The following DLGAP2 variants were observed in gnomAD, a reference collection of about 807,000 sequenced individuals.
DLGAP2 encodes DLG associated protein 2, also known as disks large-associated protein 2.
A neutral mutation model predicts 100.3 loss-of-function variants in DLGAP2; 26 were observed. That is an observed-to-expected ratio of 0.26 (90% CI 0.19 to 0.36). DLGAP2 has a LOEUF of 0.36. Ranked by LOEUF, DLGAP2 falls within the 10% of genes least tolerant of loss-of-function variation. The pLI is 1.00. For missense variants in DLGAP2, 1,858 were observed against 1,453.2 expected, an observed-to-expected ratio of 1.28 and a Z score of -4.53; for synonymous variants, 886 against 630.1, an observed-to-expected ratio of 1.41 and a Z score of -6.08.
At chr8:1,597,059 G>C (rs1796480582) in intron 6 of DLGAP2, among the ~76,000 whole-genome samples, 1 of 152,096 alleles carries the variant, frequency 6.6e-6, no homozygotes, top group African/African-American at 2.4e-5. Context: ...TAAGGAAGGA[G>C]TCCAGTTTCA....
chr8:1,587,403 G>T (rs1584958775), intron 6 of DLGAP2, among the ~76,000 whole-genome samples: 1 of 152,142 alleles, frequency 6.6e-6, no homozygotes, highest in Non-Finnish European at 1.5e-5. Flanking sequence ...TACATTTTCA[G>T]TTGTTTTCTA....
Position 1,339,191 on chromosome 8 carries a change from G to A in DLGAP2, c.106+80308G>A, listed in dbSNP as rs950484383. Among the ~76,000 whole-genome samples, 11 of 95,088 alleles carry A rather than the reference G, an allele frequency of 1.2e-4. No homozygotes were observed. The East Asian group carries it at 1.6e-3, about 14-fold the overall frequency. The allele number at this position is 95,088 out of a possible 152,430, so 62.4% of individuals were successfully genotyped here. A position where few individuals can be genotyped will look rare whatever the true frequency, so the allele number is the denominator to read the frequency against. The stretch of plus-strand genomic sequence containing the variant: ...AGTGACCTCAGCGAGGCGTCAGGAC[G>A]TGTGAGGGAAGGCAGTGACCTCAGT... On this transcript the variant is annotated intron_variant, in intron 3 of 14. Coordinates refer to ENST00000637795, the MANE Select transcript of DLGAP2 (RefSeq NM_001346810.2).
intron 2 of DLGAP2, among the ~76,000 whole-genome samples, chr8:1,236,941 CATGGCGCCGTGTCTAGTT>C (rs1798670846): frequency 6.8e-6 from 1 of 147,618 alleles, no homozygotes; most frequent in Non-Finnish European, 1.5e-5. Flanking sequence ...AGTTCTCTCA[CATGGCGCCGTGTCTAGTT>C]CTCTCACATG....
intron 2 of DLGAP2, among the ~76,000 whole-genome samples, chr8:1,202,358 C>G (rs923333673): frequency 6.6e-6 from 1 of 151,724 alleles, no homozygotes; most frequent in Non-Finnish European, 1.5e-5. Flanking sequence ...CACGGCTCCT[C>G]TTGGCACCTG....
chr8:1,688,826 G>A (rs1267396710), intron 12 of DLGAP2, among the ~76,000 whole-genome samples: 1 of 152,212 alleles, frequency 6.6e-6, no homozygotes, highest in Non-Finnish European at 1.5e-5. Flanking sequence ...ACACACTGCT[G>A]TGTAGTTGAC....
At chr8:1,364,603 G>C (rs542511981) in intron 3 of DLGAP2, among the ~76,000 whole-genome samples, 1 of 152,246 alleles carries the variant, frequency 6.6e-6, no homozygotes, top group Non-Finnish European at 1.5e-5. Flanking sequence ...AGGGGCCGGC[G>C]TGCCGCCTCT....
chr8:888,509 G>A (rs1038880686), intron 1 of DLGAP2, among the ~76,000 whole-genome samples: 3 of 151,410 alleles, frequency 2.0e-5, no homozygotes, highest in Admixed American at 6.6e-5. Flanking sequence ...ATCTTTGTGA[G>A]TTTGTCTAAT....
chr8:907,460 A>T (rs534466910), intron 1 of DLGAP2, among the ~76,000 whole-genome samples: 9 of 152,070 alleles, frequency 5.9e-5, no homozygotes, highest in Admixed American at 5.2e-4. Context: ...TTACTTTCAC[A>T]TTTTTCTTTG....
rs796853276 is a variant in DLGAP2 at position 1,537,728 on chromosome 8, T to A, written c.173-10898T>A. 5.8e-3 allele frequency among the ~76,000 whole-genome samples: 787 copies of A among 136,634 alleles called. 8 individuals are homozygous for A. The highest frequency in any genetic ancestry group is 0.021 in the African/African-American group (746 of 35,876). 89.6% of individuals were successfully genotyped at this position (136,634 alleles called of 152,430 possible). On this transcript the variant is annotated intron_variant, in intron 4 of 14. Transcript: ENST00000637795. ...AAGGATGGATGGATGGATGAAAGGA[T>A]GGAAGGAAGGAAGGAAGGAAGGAAG...
At chr8:860,779 G>T (rs141345558) in intron 1 of DLGAP2, among the ~76,000 whole-genome samples, 1 of 152,212 alleles carries the variant, frequency 6.6e-6, no homozygotes, top group African/African-American at 2.4e-5. Flanking sequence ...GGCAGGTAGC[G>T]TGTGCACCCT....
intron 3 of DLGAP2, chr8:1,300,488 A>G (rs920113357): frequency 1.3e-5 from 2 of 152,262 alleles, no homozygotes; most frequent in Admixed American, 1.3e-4. Context: ...GCGTAGAGCC[A>G]TGCTTCGTAC....
At chr8:870,951 G>A (rs1010378734) in intron 1 of DLGAP2, among the ~76,000 whole-genome samples, 17 of 152,144 alleles carry the variant, frequency 1.1e-4, no homozygotes, top group South Asian at 2.1e-4. Flanking sequence ...TCCAAAATGC[G>A]TAACTGTGGT....
At position 1,549,105 on chromosome 8, in the gene DLGAP2, G is replaced by T; in HGVS notation, c.652G>T (p.Ala218Ser). The change falls in exon 5 of 15, where the codon GCC (alanine) becomes TCC (serine). Residue 218 changes from alanine to serine, a missense_variant. By Grantham distance (99) the Ala-to-Ser change is moderately conservative (BLOSUM62 1). Transcript: ENST00000637795. ...HTLQYQRTSAAAEQRSESPGR... is the reference protein window; with the variant it reads ...HTLQYQRTSASAEQRSESPGR... ...GCTGCAGTACCAGAGGACGTCCGCGGCCGCCGAGCAGCGCAGCGAGAGCCC... is the reference window on the plus strand; with the variant it reads ...GCTGCAGTACCAGAGGACGTCCGCGTCCGCCGAGCAGCGCAGCGAGAGCCC... 1.9e-6 allele frequency: 3 copies of T among 1,584,086 alleles called. No homozygotes were observed. Among genetic ancestry groups the T allele is most frequent in the Non-Finnish European group, 2.6e-6 (3 of 1,168,282 alleles).
chr8:899,319 C>T (rs1369009993), intron 1 of DLGAP2, among the ~76,000 whole-genome samples: 1 of 152,230 alleles, frequency 6.6e-6, no homozygotes, highest in Non-Finnish European at 1.5e-5. Flanking sequence ...GGTGGCAGAG[C>T]TGAGACGTCC....
At chr8:1,624,609 G>A (rs767829540) in intron 6 of DLGAP2, among the ~76,000 whole-genome samples, 1 of 151,864 alleles carries the variant, frequency 6.6e-6, no homozygotes, top group Non-Finnish European at 1.5e-5. Flanking sequence ...TGACAGCCAA[G>A]GTCAGGGATC....
chr8:1,603,105 A>G (rs1388582585), intron 6 of DLGAP2, among the ~76,000 whole-genome samples: 7 of 148,720 alleles, frequency 4.7e-5, no homozygotes, highest in Non-Finnish European at 1.0e-4. Flanking sequence ...GGCTGGTTAG[A>G]GTGGAGGCTG....
At chr8:1,106,129 A>AT (rs556380567) in intron 2 of DLGAP2, among the ~76,000 whole-genome samples, 28 of 108,272 alleles carry the variant, frequency 2.6e-4, no homozygotes, top group Middle Eastern at 6.0e-3. Context: ...AGGGTTTTCT[A>AT]TTGAGGGGAG....
At chr8:1,525,834 C>T (rs1376939103) in intron 4 of DLGAP2, among the ~76,000 whole-genome samples, 1 of 152,172 alleles carries the variant, frequency 6.6e-6, no homozygotes. Context: ...ATGTCTTGGC[C>T]TCATCTCCTG....
chr8:741,213 A>G (rs1333311474), intron 1 of DLGAP2, among the ~76,000 whole-genome samples: 1 of 152,208 alleles, frequency 6.6e-6, no homozygotes, highest in Non-Finnish European at 1.5e-5. Flanking sequence ...AGTTAAGCAG[A>G]TGGGCTTTGG....
Sources: gnomAD v4.1 joint callset for allele counts (sites outside exome capture counted in the v4.1 genomes callset) on GRCh38, gnomAD v4.1.1 for gene constraint, MANE v1.5 for transcripts, NCBI Gene and HGNC (gene_info 2026-07-23, HGNC 2026-07-21) for gene names.